Variants in LRRC4C observed in about 807,000 individuals in gnomAD.
LRRC4C encodes the protein leucine rich repeat containing 4C.
In LRRC4C, 5 loss-of-function variants were observed where a neutral mutation model predicts 33.6. The observed-to-expected ratio is 0.15, with a 90% confidence interval of 0.08 to 0.31. LRRC4C has a LOEUF of 0.31. Among genes scored for constraint, LRRC4C ranks in the 10% least tolerant of loss-of-function variants. The pLI is 1.00. For synonymous variants in LRRC4C, 329 were observed against 302.0 expected (o/e 1.09, Z -0.93); for missense variants, 560 against 796.7 (o/e 0.70, Z 3.58).
chr11:40,365,908 A>G (rs1948187483), intron 3 of LRRC4C, among the ~76,000 whole-genome samples: 1 of 152,080 alleles, frequency 6.6e-6, no homozygotes, highest in Non-Finnish European at 1.5e-5. Context: ...ATGAGAATAC[A>G]TATTACATAT....
chr11:40,307,470 C>G (rs1299519060), intron 4 of LRRC4C, among the ~76,000 whole-genome samples: 1 of 152,198 alleles, frequency 6.6e-6, no homozygotes, highest in African/African-American at 2.4e-5. Flanking sequence ...CCTATCCATC[C>G]TCTAAAATTC....
intron 1 of LRRC4C, among the ~76,000 whole-genome samples, chr11:41,137,470 GA>G (rs2135883597): frequency 6.6e-6 from 1 of 152,224 alleles, no homozygotes; most frequent in East Asian, 1.9e-4. Context: ...AGCATGGTAT[GA>G]AAACTGTTTT....
At chr11:41,085,948 A>G (rs906279146) in intron 1 of LRRC4C, among the ~76,000 whole-genome samples, 2 of 150,600 alleles carry the variant, frequency 1.3e-5, no homozygotes, top group Non-Finnish European at 3.0e-5. Context: ...AAAAAAAAAA[A>G]AAAAGAAAGA....
chr11:40,913,790 T>C, intron 2 of LRRC4C, among the ~76,000 whole-genome samples: 1 of 152,034 alleles, frequency 6.6e-6, no homozygotes. Flanking sequence ...ACAAAATTGG[T>C]AGACCACTAG....
At chr11:41,400,040 T>C (rs1037675537) in intron 1 of LRRC4C, among the ~76,000 whole-genome samples, 5 of 151,922 alleles carry the variant, frequency 3.3e-5, no homozygotes, top group African/African-American at 1.2e-4. Context: ...ACAGTGAATG[T>C]CAATTTTGAG....
chr11:41,037,874 A>C (rs1234172473), intron 1 of LRRC4C, among the ~76,000 whole-genome samples: 1 of 152,154 alleles, frequency 6.6e-6, no homozygotes, highest in Non-Finnish European at 1.5e-5. Context: ...GTCTGTAAGT[A>C]TGCATTCATG....
chr11:40,490,333 C>T (rs548191256), intron 3 of LRRC4C, among the ~76,000 whole-genome samples: 71 of 152,228 alleles, frequency 4.7e-4, no homozygotes, highest in African/African-American at 1.7e-3. Context: ...CTAAAGCCAT[C>T]ACCTTATATT....
intron 2 of LRRC4C, among the ~76,000 whole-genome samples, chr11:40,669,210 T>G (rs1943961205): frequency 6.6e-6 from 1 of 152,150 alleles, no homozygotes; most frequent in Non-Finnish European, 1.5e-5. Flanking sequence ...ATTCACAAAA[T>G]CAATTCATCA....
intron 3 of LRRC4C, among the ~76,000 whole-genome samples, chr11:40,335,502 T>C (rs1161480058): frequency 6.6e-6 from 1 of 152,220 alleles, no homozygotes; most frequent in Non-Finnish European, 1.5e-5. Flanking sequence ...GAATGGATTC[T>C]AATTGTATTT....
chr11:40,423,666 T>A (rs1433042557), intron 3 of LRRC4C, among the ~76,000 whole-genome samples: 2 of 152,316 alleles, frequency 1.3e-5, no homozygotes, highest in East Asian at 3.9e-4. Context: ...AATGATCATG[T>A]CTTCACACAG....
rs180753757 is a variant in LRRC4C, at chr11:41,278,881, T to A, written c.-496+180550A>T. ...ACATGTGAAAGTTTTGTTGCATGGG[T>A]AAATTACATGTGACTGACTTTTGGT... On this transcript the variant is annotated intron_variant, in intron 1 of 6. Transcript: ENST00000528697. 1.8e-4 allele frequency among the ~76,000 whole-genome samples: 28 copies of A among 152,298 alleles called. No individual in the cohort carries two copies. In the East Asian group the frequency reaches 5.0e-3, roughly 27 times the overall value.
intron 1 of LRRC4C, among the ~76,000 whole-genome samples, chr11:41,405,429 T>TAATTAATATTC (rs1420378163): frequency 5.3e-5 from 8 of 152,134 alleles, no homozygotes; most frequent in Non-Finnish European, 8.8e-5. Flanking sequence ...TATAAATAGA[T>TAATTAATATTC]AATTAATATT....
chr11:41,253,075 C>T (rs1012498052), intron 1 of LRRC4C, among the ~76,000 whole-genome samples: 2 of 152,096 alleles, frequency 1.3e-5, no homozygotes, highest in Non-Finnish European at 2.9e-5. Context: ...ATTCACATGG[C>T]TATTTCTTAG....
chr11:41,263,022 A>T (rs1329157339), intron 1 of LRRC4C, among the ~76,000 whole-genome samples: 1 of 152,150 alleles, frequency 6.6e-6, no homozygotes, highest in African/African-American at 2.4e-5. Context: ...CCTAGTTAAA[A>T]CGACAACGAC....
intron 3 of LRRC4C, among the ~76,000 whole-genome samples, chr11:40,332,931 C>G (rs1326332826): frequency 1.3e-5 from 2 of 152,188 alleles, no homozygotes; most frequent in Non-Finnish European, 2.9e-5. Flanking sequence ...TTGTTTCTCT[C>G]TGTCTCTGAA....
chr11:41,449,098 C>T (rs1458921696), intron 1 of LRRC4C, among the ~76,000 whole-genome samples: 2 of 152,120 alleles, frequency 1.3e-5, no homozygotes, highest in East Asian at 3.8e-4. Context: ...GTAGGGTAGC[C>T]AATATTGCAA....
intron 2 of LRRC4C, among the ~76,000 whole-genome samples, chr11:40,786,779 C>A (rs574670868): frequency 1.3e-5 from 2 of 152,116 alleles, no homozygotes; most frequent in African/African-American, 2.4e-5. Flanking sequence ...AATAGACACA[C>A]GAGCCAACAG....
intron 2 of LRRC4C, among the ~76,000 whole-genome samples, chr11:40,861,044 G>A (rs12418304): frequency 1.3e-5 from 2 of 151,962 alleles, no homozygotes; most frequent in Non-Finnish European, 2.9e-5. Context: ...AATTACATGA[G>A]AACATATTTA....
At position 40,853,949 on chromosome 11, in the gene LRRC4C, C is replaced by T. The variant is rs189218902; in HGVS notation, c.-407+79686G>A. Among the ~76,000 whole-genome samples the T allele has an allele frequency of 3.4e-3, 511 of 152,264 alleles. 5 individuals are homozygous for T. The highest frequency in any genetic ancestry group is 0.011 in the African/African-American group (476 of 41,542). On this transcript the variant is annotated intron_variant, in intron 2 of 6. Transcript: ENST00000528697. ...CTTCCCAAATCTGGTTAGTTCATTA[C>T]CTGCCTAAATCATCAACTTATCAAC...
Sources: allele counts gnomAD v4.1 joint callset (sites outside exome capture counted in the v4.1 genomes callset), GRCh38; gene constraint gnomAD v4.1.1; transcripts MANE v1.5; gene names NCBI Gene and HGNC (gene_info 2026-07-23, HGNC 2026-07-21).